Variants in GTF2IRD1 observed in about 807,000 individuals in gnomAD.
The protein encoded by GTF2IRD1 is GTF2I repeat domain containing 1, also known as general transcription factor II-I repeat domain-containing protein 1.
A neutral mutation model predicts 113.2 loss-of-function variants in GTF2IRD1; 26 were observed. That is an observed-to-expected ratio of 0.23 (90% CI 0.17 to 0.32). The LOEUF is 0.32. Ranked by LOEUF, GTF2IRD1 falls within the 10% of genes least tolerant of loss-of-function variation. The probability of loss-of-function intolerance (pLI) is 1.00; values close to 1 mark genes in which losing one functional copy is unlikely to be tolerated. For missense variants in GTF2IRD1, 864 were observed against 1,280.8 expected (o/e 0.67, Z 4.97); for synonymous variants, 484 against 529.1 (o/e 0.91, Z 1.17).
intron 1 of GTF2IRD1, among the ~76,000 whole-genome samples, chr7:74,497,351 C>T (rs1795789904): frequency 6.6e-6 from 1 of 152,170 alleles, no homozygotes; most frequent in Admixed American, 6.5e-5. Flanking sequence ...CAGCCCCAAC[C>T]TCCGCAGGCT....
intron 1 of GTF2IRD1, among the ~76,000 whole-genome samples, chr7:74,456,423 C>G (rs1554327247): frequency 1.3e-5 from 2 of 152,216 alleles, no homozygotes; most frequent in African/African-American, 4.8e-5. Context: ...GTGGCTCACG[C>G]CTGTAATCCC....
chr7:74,465,563 A>C (rs1444166044), intron 1 of GTF2IRD1, among the ~76,000 whole-genome samples: 2 of 152,134 alleles, frequency 1.3e-5, no homozygotes, highest in Non-Finnish European at 2.9e-5. Flanking sequence ...CAGTGTATTC[A>C]GTTGCGGGGA....
Position 74,564,400 on chromosome 7 carries a change from T to C in GTF2IRD1, c.2320+4745T>C, listed in dbSNP as rs1252158643. Among the ~76,000 whole-genome samples, 6 of 152,126 alleles carry C rather than the reference T, an allele frequency of 3.9e-5. No homozygotes were observed. The East Asian group carries it at 1.2e-3, about 29-fold the overall frequency. The stretch of plus-strand genomic sequence containing the variant: ...CCACTGCACCCTAGAGCTGTGAGCC[T>C]CCCCAGTGTAGGGTGAGAGTACAGC... On this transcript the variant is annotated intron_variant, in intron 22 of 26. Coordinates refer to ENST00000424337, the MANE Select transcript of GTF2IRD1 (RefSeq NM_005685.4).
intron 8 of GTF2IRD1, among the ~76,000 whole-genome samples, chr7:74,527,249 G>A (rs782164451): frequency 2.0e-5 from 3 of 152,190 alleles, no homozygotes; most frequent in Non-Finnish European, 2.9e-5. Flanking sequence ...AGCACTTTGG[G>A]AAGCTGAGGC....
intron 1 of GTF2IRD1, among the ~76,000 whole-genome samples, chr7:74,485,666 A>G (rs1794981046): frequency 6.6e-6 from 1 of 152,002 alleles, no homozygotes; most frequent in Non-Finnish European, 1.5e-5. Flanking sequence ...TCACACCTAT[A>G]ATCCCGGCAC....
chr7:74,467,782 C>A (rs1295071910), intron 1 of GTF2IRD1, among the ~76,000 whole-genome samples: 2 of 152,164 alleles, frequency 1.3e-5, no homozygotes, highest in Non-Finnish European at 2.9e-5. Context: ...CAACCTCTGA[C>A]TCCTGGTTTC....
intron 14 of GTF2IRD1, among the ~76,000 whole-genome samples, chr7:74,541,815 C>T (rs1462003850): frequency 8.5e-5 from 13 of 152,078 alleles, no homozygotes; most frequent in African/African-American, 3.1e-4. Flanking sequence ...GCAGGAGAAT[C>T]ACTTGAACCC....
intron 22 of GTF2IRD1, among the ~76,000 whole-genome samples, chr7:74,571,428 G>A (rs938657686): frequency 3.3e-5 from 5 of 152,166 alleles, no homozygotes; most frequent in African/African-American, 9.7e-5. Context: ...TTCTGCTGAC[G>A]TCCCCATAGC....
At chr7:74,584,834 T>G (rs587748016) in intron 22 of GTF2IRD1, among the ~76,000 whole-genome samples, 16 of 152,224 alleles carry the variant, frequency 1.1e-4, no homozygotes, top group Admixed American at 2.0e-4. Context: ...GAAGTCTCGC[T>G]CTTGTCCCCC....
intron 16 of GTF2IRD1, among the ~76,000 whole-genome samples, chr7:74,546,072 G>A (rs1554353176): frequency 2.6e-5 from 4 of 151,926 alleles, no homozygotes; most frequent in African/African-American, 9.7e-5. Context: ...CCCCTGTAAT[G>A]TCGCCAGCCC....
At chr7:74,575,090 C>CAA (rs587687680) in intron 22 of GTF2IRD1, among the ~76,000 whole-genome samples, 42 of 51,064 alleles carry the variant, frequency 8.2e-4, no homozygotes, top group Non-Finnish European at 1.1e-3. Context: ...AACTCCGTCT[C>CAA]AAAATACAAA....
At chr7:74,509,493 A>G (rs1411318086) in intron 2 of GTF2IRD1, among the ~76,000 whole-genome samples, 1 of 151,826 alleles carries the variant, frequency 6.6e-6, no homozygotes, top group Non-Finnish European at 1.5e-5. Context: ...AGATCGTGCC[A>G]CTGCACTTCA....
chr7:74,599,212 T>TGAG (rs1554373227), intron 25 of GTF2IRD1, among the ~76,000 whole-genome samples: 2 of 152,092 alleles, frequency 1.3e-5, no homozygotes, highest in Middle Eastern at 3.2e-3. Flanking sequence ...AGGTGGAGGT[T>TGAG]GCAGTGAGCC....
intron 1 of GTF2IRD1, among the ~76,000 whole-genome samples, chr7:74,501,791 ACAGGCAC>A (rs1554339593): frequency 6.6e-6 from 1 of 152,070 alleles, no homozygotes; most frequent in African/African-American, 2.4e-5. Context: ...AGCTGGGACT[ACAGGCAC>A]CTACCACAGT....
intron 1 of GTF2IRD1, among the ~76,000 whole-genome samples, chr7:74,468,519 C>T (rs1322482461): frequency 2.6e-5 from 4 of 151,750 alleles, no homozygotes; most frequent in East Asian, 2.0e-4. Flanking sequence ...ATTAGCCGGG[C>T]GTGGTGGCAC....
chr7:74,582,016 AT>A (rs1562890112), intron 22 of GTF2IRD1, among the ~76,000 whole-genome samples: 1 of 152,136 alleles, frequency 6.6e-6, no homozygotes, highest in Non-Finnish European at 1.5e-5. Flanking sequence ...ACTCAAAAAA[AT>A]AAATAAATAA....
chr7:74,514,351 C>T (rs782044443), intron 3 of GTF2IRD1, among the ~76,000 whole-genome samples: 6 of 152,138 alleles, frequency 3.9e-5, no homozygotes, highest in Non-Finnish European at 8.8e-5. Context: ...TCTCCAGGGC[C>T]AGGATGGGGG....
intron 2 of GTF2IRD1, among the ~76,000 whole-genome samples, chr7:74,511,579 G>T (rs1796630722): frequency 6.6e-6 from 1 of 152,184 alleles, no homozygotes; most frequent in African/African-American, 2.4e-5. Context: ...TTCCAGTAGG[G>T]ACCCTGGAGG....
intron 22 of GTF2IRD1, among the ~76,000 whole-genome samples, chr7:74,566,043 AAG>A (rs1318954089): frequency 1.3e-5 from 2 of 150,636 alleles, no homozygotes; most frequent in Non-Finnish European, 3.0e-5. Context: ...ACACACCCTA[AAG>A]AGAAATGCAA....
Sources: allele counts gnomAD v4.1 joint callset (sites outside exome capture counted in the v4.1 genomes callset), GRCh38; gene constraint gnomAD v4.1.1; transcripts MANE v1.5; gene names NCBI Gene and HGNC (gene_info 2026-07-23, HGNC 2026-07-21).